Variants in PRIM2 observed in about 807,000 individuals in gnomAD.
PRIM2 encodes the protein DNA primase subunit 2, also known as DNA primase large subunit.
PRIM2 carries 39 observed loss-of-function variants against 67.3 expected under a neutral mutation model. The observed-to-expected ratio is 0.58, with a 90% confidence interval of 0.45 to 0.76. The LOEUF is 0.76. PRIM2 is among the 30% of genes least tolerant of loss of function. PRIM2 has a pLI of 0.00. For missense variants in PRIM2, 398 were observed against 598.7 expected (o/e 0.66, Z 3.50); for synonymous variants, 143 against 198.7 (o/e 0.72, Z 2.36).
At chr6:57,631,893 T>C (rs1288795934) in intron 12 of PRIM2, among the ~76,000 whole-genome samples, 1 of 152,232 alleles carries the variant, frequency 6.6e-6, no homozygotes, top group African/African-American at 2.4e-5. Flanking sequence ...AATGTACAGT[T>C]GGTAGGTCAG....
At chr6:57,313,660 A>T (rs1009312495), upstream of PRIM2, among the ~76,000 whole-genome samples, 4 of 152,108 alleles carry the variant, frequency 2.6e-5, no homozygotes, top group Admixed American at 1.3e-4. Flanking sequence ...GGAGGGCCAG[A>T]GGTTGGCTAA....
chr6:57,439,404 G>GTTTTTTTTTTT lies in PRIM2; in HGVS notation c.693+57255_693+57265dup, dbSNP rs149436085. ...CATGAGCTTTGAGTAGAGGTACTCTGTTTTTTTTTTTTTTTTTTTTTTTTT... is the reference window on the plus strand; with the variant it reads ...CATGAGCTTTGAGTAGAGGTACTCTGTTTTTTTTTTTTTTTTTTTTTTTTTTTTTTTTTTTT... On this transcript the variant is annotated intron_variant, in intron 7 of 13. Transcript: ENST00000615550. 7.0e-5 allele frequency among the ~76,000 whole-genome samples: 4 copies of GTTTTTTTTTTT among 57,014 alleles called. 1 individual carries two copies. The highest frequency in any genetic ancestry group is 6.9e-5 in the Non-Finnish European group (2 of 29,176). The allele number at this position is 57,014 out of a possible 152,430, so 37.4% of individuals were successfully genotyped here.
chr6:57,391,939 A>G (rs1303349494), intron 7 of PRIM2, among the ~76,000 whole-genome samples: 3 of 152,074 alleles, frequency 2.0e-5, no homozygotes, highest in Non-Finnish European at 4.4e-5. Flanking sequence ...TAGGAATAGG[A>G]CTGAATTATA....
At chr6:57,275,915 A>T in the PRIM2 span, among the ~76,000 whole-genome samples, 1 of 152,224 alleles carries the variant, frequency 6.6e-6, no homozygotes, top group African/African-American at 2.4e-5. Context: ...TACATCAATT[A>T]GTAGCAAAAT....
intron 5 of PRIM2, among the ~76,000 whole-genome samples, chr6:57,355,980 G>A (rs112817093): frequency 0.013 from 1,985 of 152,256 alleles, 37 homozygotes; most frequent in African/African-American, 0.045. Context: ...GAAACAAATG[G>A]CCCAGTAACA....
intron 7 of PRIM2, among the ~76,000 whole-genome samples, chr6:57,503,218 G>A (rs1212387379): frequency 9.2e-5 from 14 of 152,160 alleles, no homozygotes; most frequent in Admixed American, 4.6e-4. Context: ...TTCTTGTGAT[G>A]AGAGAAAGAC....
chr6:57,293,813 A>C, the PRIM2 span, among the ~76,000 whole-genome samples: 1 of 139,602 alleles, frequency 7.2e-6, no homozygotes. Context: ...AGGGTGGGGA[A>C]TGTCACACAC....
chr6:57,240,091 G>GTTTTTTTTTTTTTTTTTTTTTTTT, the PRIM2 span, among the ~76,000 whole-genome samples: 3 of 90,006 alleles, frequency 3.3e-5, no homozygotes, highest in African/African-American at 1.3e-4. Context: ...TCAATAATCT[G>GTTTTTTTTTTTTTTTTTTTTTTTT]TTTTTTTTTT....
At chr6:57,262,362 T>C in the PRIM2 span, among the ~76,000 whole-genome samples, 1 of 152,190 alleles carries the variant, frequency 6.6e-6, no homozygotes, top group African/African-American at 2.4e-5. Context: ...GTAAATCCCC[T>C]TCCTACTCGA....
At chr6:57,479,498 TTCTG>T (rs1482030639) in intron 7 of PRIM2, among the ~76,000 whole-genome samples, 1 of 152,224 alleles carries the variant, frequency 6.6e-6, no homozygotes, top group Non-Finnish European at 1.5e-5. Flanking sequence ...AATTATTTTT[TTCTG>T]TCTGAGTAGG....
At chr6:57,256,365 A>G in the PRIM2 span, among the ~76,000 whole-genome samples, 3 of 152,282 alleles carry the variant, frequency 2.0e-5, no homozygotes, top group African/African-American at 7.2e-5. Flanking sequence ...AATTGGGAAT[A>G]GTTATTGTAT....
At chr6:57,642,594 C>T (rs1777263096) in intron 13 of PRIM2, among the ~76,000 whole-genome samples, 2 of 151,320 alleles carry the variant, frequency 1.3e-5, no homozygotes, top group African/African-American at 4.9e-5. Flanking sequence ...AGGCACGCGC[C>T]ACCATGCCCG....
chr6:57,348,279 C>A (rs1052155496), intron 5 of PRIM2, among the ~76,000 whole-genome samples: 5 of 151,922 alleles, frequency 3.3e-5, no homozygotes, highest in African/African-American at 1.2e-4. Context: ...TATTTTAGTT[C>A]ATGTTCAACA....
At chr6:57,567,548 G>A (rs1284542356) in intron 10 of PRIM2, among the ~76,000 whole-genome samples, 2 of 152,100 alleles carry the variant, frequency 1.3e-5, no homozygotes, top group African/African-American at 4.8e-5. Context: ...GTCGGGGAAG[G>A]TCTCCACTTT....
chr6:57,301,805 G>A, the PRIM2 span, among the ~76,000 whole-genome samples: 1 of 152,272 alleles, frequency 6.6e-6, no homozygotes, highest in Admixed American at 6.5e-5. Context: ...CTGGGCGACA[G>A]GGCAAGACTC....
At chr6:57,497,039 G>A (rs1774020276) in intron 7 of PRIM2, among the ~76,000 whole-genome samples, 1 of 152,106 alleles carries the variant, frequency 6.6e-6, no homozygotes, top group African/African-American at 2.4e-5. Flanking sequence ...CTATACTAAG[G>A]AATAGATAAA....
At chr6:57,597,866 T>C (rs1175196449) in intron 10 of PRIM2, among the ~76,000 whole-genome samples, 3 of 152,232 alleles carry the variant, frequency 2.0e-5, no homozygotes, top group Non-Finnish European at 4.4e-5. Flanking sequence ...TTTCAGTTCA[T>C]TGCCAATATG....
chr6:57,365,840 C>T (rs1769338109), intron 5 of PRIM2, among the ~76,000 whole-genome samples: 1 of 149,476 alleles, frequency 6.7e-6, no homozygotes, highest in Admixed American at 6.8e-5. Flanking sequence ...GTTAGCACGC[C>T]TGTAATCCCA....
intron 7 of PRIM2, among the ~76,000 whole-genome samples, chr6:57,393,017 T>C (rs201925271): frequency 6.7e-6 from 1 of 150,182 alleles, no homozygotes; most frequent in Non-Finnish European, 1.5e-5. Flanking sequence ...TATATATACA[T>C]AGACACACAC....
Sources: allele counts gnomAD v4.1 joint callset (sites outside exome capture counted in the v4.1 genomes callset), GRCh38; gene constraint gnomAD v4.1.1; transcripts MANE v1.5; gene names NCBI Gene and HGNC (gene_info 2026-07-23, HGNC 2026-07-21).